The following GSE1 variants were observed in gnomAD, a reference collection of about 807,000 sequenced individuals.
GSE1 encodes the protein genetic suppressor element 1.
Under a neutral mutation model 112.6 loss-of-function variants are expected in GSE1, and 32 were observed. The ratio of observed to expected loss-of-function variants is 0.28; its 90% CI spans 0.21 to 0.38. The LOEUF (loss-of-function observed/expected upper bound fraction) is 0.38, where lower values mean the gene tolerates loss of function less well. Ranked by LOEUF, GSE1 falls within the 10% of genes least tolerant of loss-of-function variation. The pLI, the probability that GSE1 is intolerant of heterozygous loss-of-function variation, is 1.00. For missense variants in GSE1, 2,348 were observed against 1,699.2 expected, an observed-to-expected ratio of 1.38 and a Z score of -6.71; for synonymous variants, 1,115 against 735.6, an observed-to-expected ratio of 1.52 and a Z score of -8.35.
intron 1 of GSE1, among the ~76,000 whole-genome samples, chr16:85,576,635 A>G (rs547108263): frequency 6.6e-6 from 1 of 152,298 alleles, no homozygotes; most frequent in South Asian, 2.1e-4. Flanking sequence ...GGGGTATGTT[A>G]TGGGTATTAC....
At chr16:85,232,444 T>C (rs1021351564) in intron 1 of GSE1, among the ~76,000 whole-genome samples, 2 of 152,042 alleles carry the variant, frequency 1.3e-5, no homozygotes, top group South Asian at 4.2e-4. Flanking sequence ...CAGGGGCTGA[T>C]GGTGTGGACA....
chr16:85,617,257 C>T (rs1030345729), intron 1 of GSE1, among the ~76,000 whole-genome samples: 3 of 152,156 alleles, frequency 2.0e-5, no homozygotes, highest in Middle Eastern at 3.2e-3. Context: ...GAGCTGCCCC[C>T]GGGAGGCTGG....
intron 1 of GSE1, among the ~76,000 whole-genome samples, chr16:85,178,812 A>G (rs555971484): frequency 1.2e-4 from 16 of 134,492 alleles, no homozygotes; most frequent in Non-Finnish European, 2.3e-4. Flanking sequence ...CCGTCTGCAC[A>G]GTGACGAGTG....
intron 2 of GSE1, among the ~76,000 whole-genome samples, chr16:85,443,792 GC>G (rs1331505212): frequency 2.6e-5 from 4 of 152,150 alleles, no homozygotes; most frequent in African/African-American, 9.7e-5. Context: ...AAAGTGCCAG[GC>G]AGGTCCCTCT....
At chr16:85,540,985 AC>A (rs1567572224) in intron 2 of GSE1, among the ~76,000 whole-genome samples, 1 of 152,120 alleles carries the variant, frequency 6.6e-6, no homozygotes, top group East Asian at 1.9e-4. Flanking sequence ...CATTCAGGCC[AC>A]TTCGCCAAGC....
At chr16:85,233,818 CT>C (rs1303698536) in intron 1 of GSE1, among the ~76,000 whole-genome samples, 5 of 152,184 alleles carry the variant, frequency 3.3e-5, no homozygotes, top group Non-Finnish European at 7.4e-5. Flanking sequence ...CCAGGTGAGG[CT>C]GCCTGCTCAG....
intron 1 of GSE1, among the ~76,000 whole-genome samples, chr16:85,586,055 T>C (rs746848453): frequency 1.3e-5 from 2 of 152,204 alleles, no homozygotes; most frequent in African/African-American, 2.4e-5. Flanking sequence ...GGGAAGGGTC[T>C]GTCCAGGCAG....
At chr16:85,452,717 C>T (rs916734470) in intron 2 of GSE1, among the ~76,000 whole-genome samples, 67 of 152,332 alleles carry the variant, frequency 4.4e-4, no homozygotes, top group African/African-American at 1.3e-3. Flanking sequence ...CCCAGAGACC[C>T]TCAGCACAGG....
chr16:85,312,742 G>A (rs556902172), intron 1 of GSE1, among the ~76,000 whole-genome samples: 20 of 151,454 alleles, frequency 1.3e-4, no homozygotes, highest in Admixed American at 1.1e-3. Flanking sequence ...GGAGGCGGAC[G>A]AGGAGGAGAA....
chr16:85,481,686 C>T (rs775904764), intron 2 of GSE1, among the ~76,000 whole-genome samples: 2 of 152,216 alleles, frequency 1.3e-5, no homozygotes, highest in Non-Finnish European at 2.9e-5. Flanking sequence ...CCAGCAGCTC[C>T]TTTTGACCTT....
At chr16:85,483,728 G>T (rs560536837) in intron 2 of GSE1, among the ~76,000 whole-genome samples, 17 of 152,386 alleles carry the variant, frequency 1.1e-4, no homozygotes, top group African/African-American at 3.8e-4. Flanking sequence ...GAGGGAGCCC[G>T]TCCCCGTGTA....
intron 2 of GSE1, chr16:85,359,243 G>A (rs2047014449): frequency 5.4e-6 from 2 of 371,514 alleles, no homozygotes; most frequent in Non-Finnish European, 1.1e-5. Flanking sequence ...GGGTGCCCCT[G>A]TTTGGCGATG....
chr16:85,226,303 C>T (rs113987330), intron 1 of GSE1, among the ~76,000 whole-genome samples: 14 of 152,302 alleles, frequency 9.2e-5, no homozygotes, highest in African/African-American at 3.4e-4. Context: ...ATTTATGTTG[C>T]TTGATACTGA....
Position 85,668,131 on chromosome 16 carries a change from C to T in GSE1, c.3131-9C>T, listed in dbSNP as rs201594149. ...CAACACACTGATGCAAGCCCTGTCCCCTCCACAGGGAGCGTGGCTGTGCTG... is the reference window on the plus strand; with the variant it reads ...CAACACACTGATGCAAGCCCTGTCCTCTCCACAGGGAGCGTGGCTGTGCTG... On this transcript the variant is annotated splice_polypyrimidine_tract_variant and intron_variant, in intron 13 of 15. Transcript: ENST00000253458. 3 of 1,557,516 alleles carry T rather than the reference C, an allele frequency of 1.9e-6. No homozygotes were observed. Among genetic ancestry groups the T allele is most frequent in the Admixed American group, 3.6e-5 (2 of 55,356 alleles).
upstream of GSE1, among the ~76,000 whole-genome samples, chr16:85,609,670 T>G (rs764919817): frequency 1.3e-5 from 2 of 152,026 alleles, no homozygotes; most frequent in Non-Finnish European, 2.9e-5. Flanking sequence ...TTTTTCCTCC[T>G]TTGAAACAGG....
At chr16:85,497,908 A>G (rs1324054663) in intron 2 of GSE1, among the ~76,000 whole-genome samples, 1 of 152,086 alleles carries the variant, frequency 6.6e-6, no homozygotes, top group Non-Finnish European at 1.5e-5. Flanking sequence ...CTTTTTACAG[A>G]TGGGAAACCA....
intron 2 of GSE1, among the ~76,000 whole-genome samples, chr16:85,469,282 C>T (rs367606674): frequency 6.6e-6 from 1 of 151,634 alleles, no homozygotes; most frequent in African/African-American, 2.4e-5. Context: ...GCCCGAAATT[C>T]AATGACAGGG....
intron 2 of GSE1, among the ~76,000 whole-genome samples, chr16:85,428,624 G>A (rs374782897): frequency 2.6e-5 from 4 of 152,318 alleles, no homozygotes; most frequent in East Asian, 1.9e-4. Flanking sequence ...TGAGGCTGCA[G>A]GCCAGCCCCT....
At chr16:85,615,758 C>T (rs1317818221) in intron 1 of GSE1, among the ~76,000 whole-genome samples, 8 of 152,216 alleles carry the variant, frequency 5.3e-5, no homozygotes, top group African/African-American at 1.9e-4. Flanking sequence ...TTGTACATCT[C>T]CAAACTCGGT....
Sources: gnomAD v4.1 joint callset for allele counts (sites outside exome capture counted in the v4.1 genomes callset) on GRCh38, gnomAD v4.1.1 for gene constraint, MANE v1.5 for transcripts, NCBI Gene and HGNC (gene_info 2026-07-23, HGNC 2026-07-21) for gene names.